Variants in KITLG observed in about 807,000 individuals in gnomAD.
KITLG encodes KIT ligand.
Under a neutral mutation model 34.1 loss-of-function variants are expected in KITLG, and 13 were observed. The observed-to-expected ratio is 0.38, with a 90% confidence interval of 0.25 to 0.61. KITLG has a LOEUF of 0.61. Ranked by LOEUF, KITLG falls within the 20% of genes least tolerant of loss-of-function variation. The pLI is 0.60. For missense variants in KITLG, 292 were observed against 318.9 expected (o/e 0.92, Z 0.64); for synonymous variants, 110 against 104.0 (o/e 1.06, Z -0.35).
intron 1 of KITLG, among the ~76,000 whole-genome samples, chr12:88,575,295 C>CA (rs897553077): frequency 7.2e-5 from 11 of 152,052 alleles, no homozygotes; most frequent in African/African-American, 2.4e-4. Context: ...TGGCAGCCTA[C>CA]AAAAATAGTA....
intron 3 of KITLG, among the ~76,000 whole-genome samples, chr12:88,527,965 G>A (rs1215252086): frequency 2.6e-5 from 4 of 152,170 alleles, no homozygotes; most frequent in Non-Finnish European, 4.4e-5. Flanking sequence ...TAGAGAGACA[G>A]GATGTAGTAG....
intron 1 of KITLG, among the ~76,000 whole-genome samples, chr12:88,556,750 C>T (rs1871109647): frequency 6.6e-6 from 1 of 152,124 alleles, no homozygotes; most frequent in Admixed American, 6.5e-5. Flanking sequence ...ACCATTCTAT[C>T]ATGAACTATC....
At chr12:88,573,546 A>G (rs558466492) in intron 1 of KITLG, among the ~76,000 whole-genome samples, 1 of 152,342 alleles carries the variant, frequency 6.6e-6, no homozygotes, top group South Asian at 2.1e-4. Context: ...GAGTGAAGAC[A>G]TTGAAAGGGA....
intron 3 of KITLG, among the ~76,000 whole-genome samples, chr12:88,531,323 C>A (rs751272273): frequency 6.6e-6 from 1 of 152,114 alleles, no homozygotes; most frequent in East Asian, 1.9e-4. Flanking sequence ...TAAGTGTTAC[C>A]ACTAAGAGAC....
At chr12:88,547,031 G>T (rs895380507) in intron 1 of KITLG, among the ~76,000 whole-genome samples, 1 of 152,122 alleles carries the variant, frequency 6.6e-6, no homozygotes, top group Admixed American at 6.5e-5. Context: ...AAGAAAAGAT[G>T]AACGTTCCAG....
intron 1 of KITLG, among the ~76,000 whole-genome samples, chr12:88,552,003 C>T (rs533755135): frequency 1.3e-5 from 2 of 152,054 alleles, no homozygotes; most frequent in Admixed American, 6.6e-5. Flanking sequence ...TCCTTGCTGG[C>T]ATTGAAAATA....
At chr12:88,521,881 T>G (rs1382730266) in intron 3 of KITLG, among the ~76,000 whole-genome samples, 1 of 152,162 alleles carries the variant, frequency 6.6e-6, no homozygotes, top group Non-Finnish European at 1.5e-5. Context: ...ACTAAAAACA[T>G]GTGCTTTCTA....
At position 88,566,445 on chromosome 12, in the gene KITLG, T is replaced by C. The variant is rs1242136739; in HGVS notation, c.15+13819A>G. Among the ~76,000 whole-genome samples the C allele has an allele frequency of 3.9e-5, 6 of 152,178 alleles. No individual in the cohort carries two copies. The East Asian group carries it at 7.7e-4, about 20-fold the overall frequency. On this transcript the variant is annotated intron_variant, in intron 1 of 9. Transcript: ENST00000644744. ...CAATATAATGTGATAAGTGATATGA[T>C]TGTTTTTTTAAATGCTACAGGAGCT...
intron 1 of KITLG, among the ~76,000 whole-genome samples, chr12:88,558,822 G>A (rs899690451): frequency 1.3e-5 from 2 of 152,134 alleles, no homozygotes; most frequent in Non-Finnish European, 2.9e-5. Flanking sequence ...GTTCATGAGT[G>A]TTATATTGTT....
intron 4 of KITLG, among the ~76,000 whole-genome samples, chr12:88,517,896 A>G (rs1869511819): frequency 6.6e-6 from 1 of 152,148 alleles, no homozygotes; most frequent in Non-Finnish European, 1.5e-5. Context: ...AAAACTTTGA[A>G]TTTAAACTTA....
intron 1 of KITLG, among the ~76,000 whole-genome samples, chr12:88,555,075 C>CAAAA (rs879847154): frequency 6.7e-6 from 1 of 149,822 alleles, no homozygotes; most frequent in Non-Finnish European, 1.5e-5. Context: ...GCTCTTATAA[C>CAAAA]AAAAAAAAAC....
In KITLG at chr12:88,515,237, C is replaced by G. The variant is rs374213748; in HGVS notation, c.604+297G>C. Among the ~76,000 whole-genome samples, 43 of 151,830 alleles carry G rather than the reference C, an allele frequency of 2.8e-4. 2 individuals carry two copies. The South Asian group carries it at 8.7e-3, about 31-fold the overall frequency. ...CCGTTTTTGTCAGACACATTCCACA[C>G]AGAATATATGTTAATGATTCAACAA... On this transcript the variant is annotated intron_variant, in intron 6 of 9. Coordinates refer to ENST00000644744, the MANE Select transcript of KITLG (RefSeq NM_000899.5).
At chr12:88,580,059 G>A in intron 1 of KITLG, 3 of 619,088 alleles carry the variant, frequency 4.8e-6, no homozygotes, top group Non-Finnish European at 5.8e-6. Flanking sequence ...CTCCCTCTCA[G>A]CACTCCCACT....
chr12:88,506,387 A>G lies in KITLG; in HGVS notation c.715-9T>C. ...AGACTTGGCTGTCTCTTCTGGAAAA[A>G]GAAGAAAGACATATACTGTAAAATA... On this transcript the variant is annotated splice_polypyrimidine_tract_variant and intron_variant, in intron 7 of 9. Transcript: ENST00000644744. The G allele has an allele frequency of 6.3e-7, 1 of 1,580,598 alleles. No homozygotes were observed.
At chr12:88,575,704 A>G (rs1384518884) in intron 1 of KITLG, among the ~76,000 whole-genome samples, 1 of 152,222 alleles carries the variant, frequency 6.6e-6, no homozygotes, top group Admixed American at 6.5e-5. Flanking sequence ...GACCAAGAAC[A>G]GTGTGTAAGA....
chr12:88,515,747 A>ATT, intron 5 of KITLG, 130 bp from the exon 6 acceptor site: 1 of 693,482 alleles, frequency 1.4e-6, no homozygotes, highest in Admixed American at 2.0e-5. Flanking sequence ...TTCAGATCCT[A>ATT]TTTATTTCAT....
chr12:88,569,789 T>G (rs1871580582), intron 1 of KITLG, among the ~76,000 whole-genome samples: 1 of 152,196 alleles, frequency 6.6e-6, no homozygotes, highest in Non-Finnish European at 1.5e-5. Flanking sequence ...TTTTCATTTG[T>G]ACTAAACTGC....
intron 3 of KITLG, among the ~76,000 whole-genome samples, chr12:88,528,247 C>T (rs1190145944): frequency 6.6e-6 from 1 of 152,214 alleles, no homozygotes; most frequent in East Asian, 1.9e-4. Flanking sequence ...AAATCTCCCT[C>T]TCTGGCTCTG....
intron 3 of KITLG, among the ~76,000 whole-genome samples, chr12:88,532,017 G>T (rs1592849388): frequency 6.6e-6 from 1 of 151,974 alleles, no homozygotes; most frequent in Non-Finnish European, 1.5e-5. Flanking sequence ...AGGAGTTCCA[G>T]TGTGCCTTCC....
Sources: allele counts gnomAD v4.1 joint callset (sites outside exome capture counted in the v4.1 genomes callset), GRCh38; gene constraint gnomAD v4.1.1; transcripts MANE v1.5; gene names NCBI Gene and HGNC (gene_info 2026-07-23, HGNC 2026-07-21).